The following DLG2 variants were observed in gnomAD, a reference collection of about 807,000 sequenced individuals.
The protein encoded by DLG2 is disks large homolog 2.
In DLG2, 45 loss-of-function variants were observed where a neutral mutation model predicts 132.5. That is an observed-to-expected ratio of 0.34 (90% CI 0.27 to 0.44). The LOEUF is 0.44. Ranked by LOEUF, DLG2 falls within the 20% of genes least tolerant of loss-of-function variation. The pLI is 1.00. For synonymous variants in DLG2, 424 were observed against 419.6 expected, an observed-to-expected ratio of 1.01 and a Z score of -0.13; for missense variants, 1,045 against 1,196.9, an observed-to-expected ratio of 0.87 and a Z score of 1.87.
intron 4 of DLG2, among the ~76,000 whole-genome samples, chr11:85,174,839 T>A (rs1464216220): frequency 6.6e-6 from 1 of 152,048 alleles, no homozygotes; most frequent in African/African-American, 2.4e-5. Flanking sequence ...AATAAACACC[T>A]CTATGCACAT....
chr11:84,009,135 G>T (rs756953962), intron 11 of DLG2, among the ~76,000 whole-genome samples: 30 of 151,648 alleles, frequency 2.0e-4, no homozygotes, highest in Non-Finnish European at 3.5e-4. Context: ...TTTAACTATG[G>T]TTTCTTATAT....
At chr11:83,814,539 C>T (rs1400004493) in intron 17 of DLG2, 2 of 203,448 alleles carry the variant, frequency 9.8e-6, no homozygotes, top group South Asian at 1.0e-4. Flanking sequence ...TCAGCTTTAC[C>T]TGTGTAAGGT....
chr11:85,020,047 T>A (rs1263505587), intron 6 of DLG2, among the ~76,000 whole-genome samples: 1 of 152,194 alleles, frequency 6.6e-6, no homozygotes, highest in Non-Finnish European at 1.5e-5. Context: ...CGCCACGCTG[T>A]CTTCCACAAT....
intron 18 of DLG2, among the ~76,000 whole-genome samples, chr11:83,754,925 A>G (rs756240595): frequency 1.3e-5 from 2 of 151,420 alleles, no homozygotes; most frequent in Non-Finnish European, 2.9e-5. Flanking sequence ...AGCAAGGAAG[A>G]AAACTAACTT....
chr11:85,516,437 C>A (rs147033599), intron 3 of DLG2, among the ~76,000 whole-genome samples: 1 of 151,796 alleles, frequency 6.6e-6, no homozygotes, highest in East Asian at 1.9e-4. Context: ...GGAAAAAATT[C>A]AATGATCAGA....
intron 4 of DLG2, among the ~76,000 whole-genome samples, chr11:85,188,876 C>T (rs1039162446): frequency 6.6e-6 from 1 of 152,036 alleles, no homozygotes; most frequent in Admixed American, 6.6e-5. Flanking sequence ...ATCAAACACA[C>T]CAACACAAGT....
At chr11:84,818,265 T>C (rs562885482) in intron 6 of DLG2, among the ~76,000 whole-genome samples, 1 of 152,144 alleles carries the variant, frequency 6.6e-6, no homozygotes, top group Admixed American at 6.6e-5. Flanking sequence ...ATTCTTCCTA[T>C]GCCTAGCACA....
intron 3 of DLG2, among the ~76,000 whole-genome samples, chr11:85,363,034 T>C (rs2084280415): frequency 6.6e-6 from 1 of 152,208 alleles, no homozygotes. Context: ...AATTTCACAG[T>C]TAACTAACTA....
At chr11:84,392,568 G>A (rs1292375083) in intron 7 of DLG2, among the ~76,000 whole-genome samples, 2 of 152,116 alleles carry the variant, frequency 1.3e-5, no homozygotes, top group East Asian at 1.9e-4. Context: ...GTCTATTCTT[G>A]TAATAATAAA....
At chr11:84,283,099 T>C (rs907830546) in intron 7 of DLG2, among the ~76,000 whole-genome samples, 22 of 152,286 alleles carry the variant, frequency 1.4e-4, no homozygotes, top group African/African-American at 5.1e-4. Flanking sequence ...AATTTCTAGT[T>C]TCCCCATAGT....
chr11:85,116,296 C>G (rs1167837827), intron 5 of DLG2, among the ~76,000 whole-genome samples: 1 of 151,826 alleles, frequency 6.6e-6, no homozygotes, highest in Non-Finnish European at 1.5e-5. Context: ...GTCCAATATA[C>G]TCTCTAGCAC....
At position 84,268,493 on chromosome 11, in the gene DLG2, G is replaced by A. The variant is rs576192972; in HGVS notation, c.520-17202C>T. Among the ~76,000 whole-genome samples the A allele has an allele frequency of 1.7e-4, 23 of 136,320 alleles. 1 individual carries two copies. In the East Asian group the frequency reaches 2.7e-3, roughly 16 times the overall value. 89.4% of individuals were successfully genotyped at this position (136,320 alleles called of 152,430 possible). ...TTTTTTTTTTTTGAGACAGAGTCTC[G>A]CTCTGTCACCCAGGCTGCAGTGCAG... On this transcript the variant is annotated intron_variant, in intron 7 of 27. Transcript: ENST00000376104.
intron 21 of DLG2, among the ~76,000 whole-genome samples, chr11:83,487,741 AT>A (rs1487701494): frequency 2.6e-5 from 4 of 151,994 alleles, no homozygotes; most frequent in African/African-American, 9.7e-5. Flanking sequence ...TCCTGTTACA[AT>A]TTTTGTGATA....
At chr11:84,523,379 CA>C (rs1005913135) in intron 7 of DLG2, among the ~76,000 whole-genome samples, 2 of 152,144 alleles carry the variant, frequency 1.3e-5, no homozygotes, top group African/African-American at 4.8e-5. Flanking sequence ...ACATTGTAAA[CA>C]CAAGTAAGTC....
chr11:85,497,423 C>T (rs969694554), intron 3 of DLG2, among the ~76,000 whole-genome samples: 36 of 152,042 alleles, frequency 2.4e-4, no homozygotes, highest in African/African-American at 8.7e-4. Context: ...AAATCTGGAA[C>T]TACGTGAACA....
At chr11:83,960,734 A>C (rs986934562) in intron 14 of DLG2, among the ~76,000 whole-genome samples, 1 of 151,868 alleles carries the variant, frequency 6.6e-6, no homozygotes, top group African/African-American at 2.4e-5. Context: ...GGAAGTATTC[A>C]ATTAATATTT....
At chr11:85,450,005 T>C (rs1213897939) in intron 3 of DLG2, among the ~76,000 whole-genome samples, 1 of 152,042 alleles carries the variant, frequency 6.6e-6, no homozygotes, top group Non-Finnish European at 1.5e-5. Context: ...TGCATGCCTG[T>C]AATCCCAGCT....
intron 6 of DLG2, among the ~76,000 whole-genome samples, chr11:84,676,582 G>T (rs2153700332): frequency 6.6e-6 from 1 of 152,080 alleles, no homozygotes; most frequent in African/African-American, 2.4e-5. Context: ...TACATATAGA[G>T]CAGTTCTGCC....
intron 7 of DLG2, among the ~76,000 whole-genome samples, chr11:84,299,725 T>C (rs1364657133): frequency 6.6e-6 from 1 of 152,200 alleles, no homozygotes; most frequent in Non-Finnish European, 1.5e-5. Flanking sequence ...CCCAATTATG[T>C]TGGGTTGTTT....
Sources: allele counts gnomAD v4.1 joint callset (sites outside exome capture counted in the v4.1 genomes callset), GRCh38; gene constraint gnomAD v4.1.1; transcripts MANE v1.5; gene names NCBI Gene and HGNC (gene_info 2026-07-23, HGNC 2026-07-21).